The following IL1RAPL1 variants were observed in gnomAD, a reference collection of about 807,000 sequenced individuals.
IL1RAPL1 encodes the protein interleukin 1 receptor accessory protein like 1.
A neutral mutation model predicts 48.4 loss-of-function variants in IL1RAPL1; 3 were observed. The ratio of observed to expected loss-of-function variants is 0.06; its 90% CI spans 0.03 to 0.16. IL1RAPL1 has a LOEUF of 0.16. Among genes scored for constraint, IL1RAPL1 ranks in the 10% least tolerant of loss-of-function variants. The probability of loss-of-function intolerance (pLI) is 1.00; values close to 1 mark genes in which losing one functional copy is unlikely to be tolerated. For missense variants in IL1RAPL1, 349 were observed against 530.6 expected (o/e 0.66, Z 3.36); for synonymous variants, 185 against 187.7 (o/e 0.99, Z 0.12).
intron 1 of IL1RAPL1, among the ~76,000 whole-genome samples, chrX:28,639,170 C>T (rs1934504161): frequency 8.9e-6 from 1 of 111,968 alleles, no homozygotes; most frequent in African/African-American, 3.2e-5. Flanking sequence ...ATCTTCTTCC[C>T]ATTCTCCCTC....
At chrX:29,251,842 A>G (rs1202402890) in intron 2 of IL1RAPL1, among the ~76,000 whole-genome samples, 2 of 111,371 alleles carry the variant, frequency 1.8e-5, no homozygotes, top group East Asian at 2.8e-4. Flanking sequence ...TTGTTAAACA[A>G]CATGTATACG....
intron 2 of IL1RAPL1, among the ~76,000 whole-genome samples, chrX:28,999,031 T>A (rs1925785919): frequency 8.9e-6 from 1 of 111,850 alleles, no homozygotes; most frequent in Admixed American, 9.5e-5. Context: ...CCTACAGACA[T>A]AATGAACTTG....
intron 6 of IL1RAPL1, among the ~76,000 whole-genome samples, chrX:29,822,956 G>T (rs1281186503): frequency 1.8e-5 from 2 of 111,664 alleles, no homozygotes; most frequent in Non-Finnish European, 3.8e-5. Context: ...AATAGGAAAT[G>T]GTGTGGCCAA....
chrX:28,774,245 A>T (rs1045573089), intron 1 of IL1RAPL1, among the ~76,000 whole-genome samples: 3 of 107,206 alleles, frequency 2.8e-5, no homozygotes, highest in African/African-American at 1.1e-4. Context: ...CCTGCAGATT[A>T]TATTTATCTT....
At chrX:29,682,171 A>G (rs1041820185) in intron 6 of IL1RAPL1, among the ~76,000 whole-genome samples, 6 of 111,729 alleles carry the variant, frequency 5.4e-5, no homozygotes, top group Non-Finnish European at 3.8e-5. Flanking sequence ...GCTTACTGAG[A>G]TATTTATATT....
At chrX:29,936,518 A>AACACACAC (rs55890071) in intron 8 of IL1RAPL1, among the ~76,000 whole-genome samples, 153 of 93,470 alleles carry the variant, frequency 1.6e-3, no homozygotes, top group African/African-American at 5.2e-3. Context: ...TATATATAGG[A>AACACACAC]ACACACACAC....
intron 2 of IL1RAPL1, among the ~76,000 whole-genome samples, chrX:29,268,245 AC>A (rs776064947): frequency 1.3e-4 from 15 of 111,993 alleles, no homozygotes; most frequent in African/African-American, 4.2e-4. Context: ...GACTACAGTT[AC>A]TCTGTTGAAT....
rs760378593 is a variant in IL1RAPL1, at chrX:29,646,703, C to T, written c.704-21727C>T. On this transcript the variant is annotated intron_variant, in intron 5 of 10. Coordinates refer to ENST00000378993, the MANE Select transcript of IL1RAPL1 (RefSeq NM_014271.4). ...TCAAAGACAAAGAGAAGATTATATACACAGCAAGAAAAAAAAAAAGAAAAT... is the reference window on the plus strand; with the variant it reads ...TCAAAGACAAAGAGAAGATTATATATACAGCAAGAAAAAAAAAAAGAAAAT... 3.7e-5 allele frequency among the ~76,000 whole-genome samples: 4 copies of T among 107,729 alleles called. No homozygotes were observed. In the South Asian group the frequency reaches 1.6e-3, roughly 42 times the overall value. 93.5% of individuals were successfully genotyped at this position (107,729 alleles called of 115,157 possible). A position where few individuals can be genotyped will look rare whatever the true frequency, so the allele number is the denominator to read the frequency against.
intron 2 of IL1RAPL1, among the ~76,000 whole-genome samples, chrX:28,889,498 G>A (rs763118355): frequency 2.7e-5 from 3 of 111,643 alleles, no homozygotes; most frequent in South Asian, 3.7e-4. Context: ...ATAGTTCCAC[G>A]TGAATTCGAA....
At chrX:29,118,128 A>G (rs951407201) in intron 2 of IL1RAPL1, among the ~76,000 whole-genome samples, 11 of 112,083 alleles carry the variant, frequency 9.8e-5, no homozygotes, top group East Asian at 2.8e-4. Flanking sequence ...TCTGTGTATA[A>G]CATATTTGCA....
At chrX:28,963,314 T>A (rs1924834961) in intron 2 of IL1RAPL1, among the ~76,000 whole-genome samples, 1 of 111,568 alleles carries the variant, frequency 9.0e-6, no homozygotes, top group Non-Finnish European at 1.9e-5. Flanking sequence ...CAGAATATGT[T>A]CATTTTTGGT....
intron 2 of IL1RAPL1, among the ~76,000 whole-genome samples, chrX:29,200,242 T>A (rs1273479695): frequency 4.5e-5 from 5 of 111,316 alleles, no homozygotes. Context: ...ATTGCCCAGA[T>A]GTTATCATCG....
At chrX:29,503,626 T>G (rs1338210237) in intron 5 of IL1RAPL1, among the ~76,000 whole-genome samples, 1 of 111,196 alleles carries the variant, frequency 9.0e-6, no homozygotes, top group Non-Finnish European at 1.9e-5. Context: ...TTCCAGAGCA[T>G]GTTGCTAAAT....
intron 2 of IL1RAPL1, among the ~76,000 whole-genome samples, chrX:29,088,890 G>C (rs768308712): frequency 4.4e-4 from 49 of 110,673 alleles, no homozygotes; most frequent in South Asian, 2.7e-3. Context: ...TATAATCTTA[G>C]TCTGTGGCCC....
chrX:28,712,737 A>G (rs1420458184), intron 1 of IL1RAPL1, among the ~76,000 whole-genome samples: 2 of 111,289 alleles, frequency 1.8e-5, no homozygotes, highest in African/African-American at 6.5e-5. Context: ...TAATAGGAAC[A>G]ATAATAAGAA....
chrX:29,406,037 C>T (rs1353562441), intron 5 of IL1RAPL1, among the ~76,000 whole-genome samples: 1 of 111,736 alleles, frequency 8.9e-6, no homozygotes, highest in Non-Finnish European at 1.9e-5. Flanking sequence ...GTCCAGTGTA[C>T]TGATGAGACC....
chrX:29,006,258 T>C (rs1384702561), intron 2 of IL1RAPL1, among the ~76,000 whole-genome samples: 1 of 111,192 alleles, frequency 9.0e-6, no homozygotes, highest in Admixed American at 9.6e-5. Context: ...TACCACACCT[T>C]CATCCCAGCA....
intron 2 of IL1RAPL1, among the ~76,000 whole-genome samples, chrX:28,857,123 G>A (rs1227015296): frequency 8.9e-6 from 1 of 112,105 alleles, no homozygotes; most frequent in Non-Finnish European, 1.9e-5. Context: ...ATTCCCTTAC[G>A]CCAAAGCCTA....
At chrX:29,410,975 C>G (rs1302821613) in intron 5 of IL1RAPL1, among the ~76,000 whole-genome samples, 2 of 111,167 alleles carry the variant, frequency 1.8e-5, no homozygotes, top group African/African-American at 3.3e-5. Flanking sequence ...GACTCTTGGT[C>G]AAAAAAATCT....
Sources: gnomAD v4.1 joint callset for allele counts (sites outside exome capture counted in the v4.1 genomes callset) on GRCh38, gnomAD v4.1.1 for gene constraint, MANE v1.5 for transcripts, NCBI Gene and HGNC (gene_info 2026-07-23, HGNC 2026-07-21) for gene names.